Variants in NEURL1 observed in about 807,000 individuals in gnomAD.
NEURL1 encodes the protein neuralized E3 ubiquitin protein ligase 1.
In NEURL1, 26 loss-of-function variants were observed where a neutral mutation model predicts 41.2. The observed-to-expected ratio is 0.63, with a 90% CI of 0.46 to 0.87. The LOEUF (loss-of-function observed/expected upper bound fraction) is 0.87, where lower values mean the gene tolerates loss of function less well. Ranked by LOEUF, NEURL1 falls within the 40% of genes least tolerant of loss-of-function variation. The pLI, the probability that NEURL1 is intolerant of heterozygous loss-of-function variation, is 0.00. For synonymous variants in NEURL1, 400 were observed against 402.3 expected, an observed-to-expected ratio of 0.99 and a Z score of 0.07; for missense variants, 761 against 871.1, an observed-to-expected ratio of 0.87 and a Z score of 1.59.
At chr10:103,571,988 C>T (rs1361049611) in intron 3 of NEURL1, among the ~76,000 whole-genome samples, 166 bp downstream of exon 3, 1 of 152,206 alleles carries the variant, frequency 6.6e-6, no homozygotes, top group Non-Finnish European at 1.5e-5. Flanking sequence ...GCAGAGATCT[C>T]CTTTCCTCCA....
chr10:103,501,109 T>C (rs1448854383), intron 1 of NEURL1, among the ~76,000 whole-genome samples: 1 of 151,866 alleles, frequency 6.6e-6, no homozygotes, highest in Non-Finnish European at 1.5e-5. Context: ...GGATGTGGGG[T>C]CCCCAGTGGG....
chr10:103,529,380 A>G (rs927655766), intron 1 of NEURL1, among the ~76,000 whole-genome samples: 1 of 152,204 alleles, frequency 6.6e-6, no homozygotes, highest in Admixed American at 6.5e-5. Flanking sequence ...TCGAGGTCCC[A>G]AGATAACTTG....
intron 1 of NEURL1, among the ~76,000 whole-genome samples, chr10:103,552,851 T>C (rs904902046): frequency 1.3e-5 from 2 of 152,130 alleles, no homozygotes; most frequent in Non-Finnish European, 2.9e-5. Context: ...TGTTAGGAGA[T>C]GCCCAGCTCA....
intron 3 of NEURL1, among the ~76,000 whole-genome samples, chr10:103,572,453 A>G (rs927629900): frequency 2.6e-5 from 4 of 152,092 alleles, no homozygotes; most frequent in Non-Finnish European, 4.4e-5. Flanking sequence ...GGGAGCTAAG[A>G]CTCTTGGCTG....
In NEURL1 at chr10:103,579,924, G is replaced by A. The variant is rs568639594; in HGVS notation, c.650-4612G>A. 4.6e-5 allele frequency among the ~76,000 whole-genome samples: 7 copies of A among 152,172 alleles called. No individual in the cohort carries two copies. In the South Asian group the frequency reaches 1.5e-3, roughly 32 times the overall value. On this transcript the variant is annotated intron_variant, in intron 3 of 5. Transcript: ENST00000369780. Reference sequence around the variant, plus strand: ...TCGTGCCACTGCACTCCAGCCTGGGGAACAGAGCGAGACCCCGTATCAAAA... The same window carrying A: ...TCGTGCCACTGCACTCCAGCCTGGGAAACAGAGCGAGACCCCGTATCAAAA...
At chr10:103,498,428 G>T (rs951494916) in intron 1 of NEURL1, among the ~76,000 whole-genome samples, 1 of 151,932 alleles carries the variant, frequency 6.6e-6, no homozygotes, top group African/African-American at 2.4e-5. Flanking sequence ...GAGTTTCACC[G>T]TGTTAGCCAG....
At chr10:103,530,435 C>T (rs1238847483) in intron 1 of NEURL1, among the ~76,000 whole-genome samples, 1 of 152,054 alleles carries the variant, frequency 6.6e-6, no homozygotes, top group African/African-American at 2.4e-5. Context: ...TGTATTGACC[C>T]ATTGATTGTT....
intron 1 of NEURL1, among the ~76,000 whole-genome samples, chr10:103,541,215 A>G (rs2034814327): frequency 6.6e-6 from 1 of 152,194 alleles, no homozygotes. Flanking sequence ...TGTGTTAGGC[A>G]GGTCATGGGT....
chr10:103,527,170 A>G (rs1402000615), intron 1 of NEURL1, among the ~76,000 whole-genome samples: 3 of 152,006 alleles, frequency 2.0e-5, no homozygotes, highest in Non-Finnish European at 4.4e-5. Context: ...TTGCCATGGC[A>G]TTTGTAAACT....
At chr10:103,503,265 GATGCTT>G (rs2033866790) in intron 1 of NEURL1, among the ~76,000 whole-genome samples, 1 of 152,230 alleles carries the variant, frequency 6.6e-6, no homozygotes, top group African/African-American at 2.4e-5. Context: ...TTTATTAAAA[GATGCTT>G]ATCAGGAGTC....
At chr10:103,504,003 A>G (rs1213698787) in intron 1 of NEURL1, among the ~76,000 whole-genome samples, 4 of 138,630 alleles carry the variant, frequency 2.9e-5, no homozygotes, top group Non-Finnish European at 6.4e-5. Flanking sequence ...TTATTTATTT[A>G]TCTTTTTGGA....
At chr10:103,535,438 C>G (rs1188980791) in intron 1 of NEURL1, among the ~76,000 whole-genome samples, 2 of 152,142 alleles carry the variant, frequency 1.3e-5, no homozygotes, top group African/African-American at 4.8e-5. Context: ...GGCACTGATT[C>G]CCCAGGAGCT....
chr10:103,509,483 A>G (rs1478494170), intron 1 of NEURL1, among the ~76,000 whole-genome samples: 2 of 152,170 alleles, frequency 1.3e-5, no homozygotes, highest in African/African-American at 4.8e-5. Flanking sequence ...ACACAAGGGT[A>G]AGTATTTATG....
At chr10:103,552,796 C>T (rs929820841) in intron 1 of NEURL1, among the ~76,000 whole-genome samples, 3 of 152,090 alleles carry the variant, frequency 2.0e-5, no homozygotes, top group Admixed American at 2.0e-4. Context: ...AGATAGGGCC[C>T]CAGCCAGGCC....
At chr10:103,535,204 C>T (rs891336222) in intron 1 of NEURL1, among the ~76,000 whole-genome samples, 2 of 152,078 alleles carry the variant, frequency 1.3e-5, no homozygotes, top group African/African-American at 4.8e-5. Flanking sequence ...TGTTTGGGCA[C>T]TGAGGGGGCA....
intron 1 of NEURL1, among the ~76,000 whole-genome samples, chr10:103,540,758 G>A (rs2034804892): frequency 6.6e-6 from 1 of 152,216 alleles, no homozygotes; most frequent in African/African-American, 2.4e-5. Flanking sequence ...TGTATAAAAT[G>A]TATTTTTTTA....
At chr10:103,520,222 T>C (rs2034315534) in intron 1 of NEURL1, among the ~76,000 whole-genome samples, 1 of 152,172 alleles carries the variant, frequency 6.6e-6, no homozygotes, top group Admixed American at 6.5e-5. Flanking sequence ...CGTACGTCCG[T>C]GTGAAGAGAC....
In NEURL1 at chr10:103,584,762, C is replaced by A; in HGVS notation, c.876C>A (p.Gly292=). Residue 292 remains glycine (G), a synonymous_variant, in exon 4 of 6, where the codon GGC becomes GGA. Transcript: ENST00000369780. ...HSRALPAQLD[G]DLRFHALRAG... The stretch of plus-strand genomic sequence containing the variant: ...GCGCGCTGCCGGCGCAGCTCGACGG[C>A]GACCTGCGTTTCCACGCCCTGCGCG... The A allele has an allele frequency of 2.1e-6, 3 of 1,454,288 alleles. No individual in the cohort carries two copies. The highest frequency in any genetic ancestry group is 2.7e-6 in the Non-Finnish European group (3 of 1,107,578). 90.1% of individuals were successfully genotyped at this position (1,454,288 alleles called of 1,614,324 possible).
intron 1 of NEURL1, among the ~76,000 whole-genome samples, chr10:103,528,504 C>T (rs2034506894): frequency 6.8e-6 from 1 of 146,162 alleles, no homozygotes; most frequent in East Asian, 2.0e-4. Context: ...CACTGCACTC[C>T]AGCCTGGGCA....
Sources: allele counts gnomAD v4.1 joint callset (sites outside exome capture counted in the v4.1 genomes callset), GRCh38; gene constraint gnomAD v4.1.1; transcripts MANE v1.5; gene names NCBI Gene and HGNC (gene_info 2026-07-23, HGNC 2026-07-21).